The following ZBTB20 variants were observed in gnomAD, a reference collection of about 807,000 sequenced individuals.
The protein encoded by ZBTB20 is zinc finger and BTB domain-containing protein 20.
Under a neutral mutation model 56.9 loss-of-function variants are expected in ZBTB20, and 9 were observed. The ratio of observed to expected loss-of-function variants is 0.16; its 90% CI spans 0.10 to 0.28. The LOEUF (loss-of-function observed/expected upper bound fraction) is 0.28. ZBTB20 is among the 10% of genes least tolerant of loss of function. ZBTB20 has a pLI of 1.00. For synonymous variants in ZBTB20, 417 were observed against 420.7 expected, an observed-to-expected ratio of 0.99 and a Z score of 0.11; for missense variants, 655 against 1,003.0, an observed-to-expected ratio of 0.65 and a Z score of 4.69.
chr3:114,774,916 A>C (rs1393889036), intron 5 of ZBTB20, among the ~76,000 whole-genome samples: 1 of 152,160 alleles, frequency 6.6e-6, no homozygotes, highest in African/African-American at 2.4e-5. Flanking sequence ...AATAAAAAAA[A>C]AGAAAAGAAA....
chr3:114,559,080 A>G (rs902644591), intron 6 of ZBTB20, among the ~76,000 whole-genome samples: 2 of 152,120 alleles, frequency 1.3e-5, no homozygotes, highest in African/African-American at 4.8e-5. Flanking sequence ...ATCTCCCTTA[A>G]CTAGAATGTT....
At chr3:114,369,840 A>G (rs2082810903) in intron 10 of ZBTB20, among the ~76,000 whole-genome samples, 1 of 152,266 alleles carries the variant, frequency 6.6e-6, no homozygotes, top group Non-Finnish European at 1.5e-5. Flanking sequence ...TGTCATTTCA[A>G]AAACAATTGT....
chr3:114,998,404 T>C (rs2108199115), intron 2 of ZBTB20, among the ~76,000 whole-genome samples: 1 of 151,730 alleles, frequency 6.6e-6, no homozygotes, highest in East Asian at 2.0e-4. Flanking sequence ...CCTCTGAAAA[T>C]AACTAGACTT....
intron 6 of ZBTB20, among the ~76,000 whole-genome samples, chr3:114,621,135 A>G (rs1011671098): frequency 2.0e-5 from 3 of 152,220 alleles, no homozygotes; most frequent in Non-Finnish European, 4.4e-5. Context: ...TTTTATATAT[A>G]TAGCAATTAA....
intron 6 of ZBTB20, among the ~76,000 whole-genome samples, chr3:114,593,462 G>A (rs533855183): frequency 1.7e-4 from 25 of 147,678 alleles, no homozygotes; most frequent in African/African-American, 3.0e-4. Context: ...TCGGCTCACC[G>A]CAATCTCTGC....
In ZBTB20 at chr3:114,615,654, T is replaced by G. The variant is rs147318309; in HGVS notation, c.-295+77874A>C. Among the ~76,000 whole-genome samples, 3 of 152,336 alleles carry G rather than the reference T, an allele frequency of 2.0e-5. No individual in the cohort carries two copies. The East Asian group carries it at 5.8e-4, about 29-fold the overall frequency. ...TCGTCAATGAATAATATAACTGCGT[T>G]TAGCCCTTAAGCCTGTATCAGCTGC... On this transcript the variant is annotated intron_variant, in intron 6 of 11. Transcript: ENST00000675478.
In ZBTB20 at chr3:114,320,288, T is replaced by A. The variant is rs1178937609; in HGVS notation, c.*18717A>T. On this transcript the variant is annotated 3_prime_UTR_variant, in exon 12 of 12. Transcript: ENST00000675478. ...GTTTCTGATTTTTTAAACAGTGAAATATGTCCAATTTTATTTCCAGTGCAT... is the reference window on the plus strand; with the variant it reads ...GTTTCTGATTTTTTAAACAGTGAAAAATGTCCAATTTTATTTCCAGTGCAT... 6.6e-6 allele frequency: 1 copy of A among 152,170 alleles called. No homozygotes were observed. Among genetic ancestry groups the A allele is most frequent in the African/African-American group, 2.4e-5 (1 of 41,426 alleles). 9.4% of individuals were successfully genotyped at this position (152,170 alleles called of 1,614,324 possible).
At chr3:114,450,877 G>A (rs2091567427) in intron 7 of ZBTB20, among the ~76,000 whole-genome samples, 1 of 152,042 alleles carries the variant, frequency 6.6e-6, no homozygotes, top group Non-Finnish European at 1.5e-5. Context: ...CATACCAATT[G>A]ATTAAATTTT....
intron 6 of ZBTB20, among the ~76,000 whole-genome samples, chr3:114,600,433 T>A (rs2056670238): frequency 6.6e-6 from 1 of 152,056 alleles, no homozygotes; most frequent in Non-Finnish European, 1.5e-5. Flanking sequence ...TGCTTTCTTT[T>A]TCTTTTATCT....
At chr3:114,399,684 C>A (rs1202063212) in intron 7 of ZBTB20, among the ~76,000 whole-genome samples, 1 of 152,068 alleles carries the variant, frequency 6.6e-6, no homozygotes, top group Admixed American at 6.6e-5. Context: ...TAACAGGCCA[C>A]CGGGGCAAGA....
At chr3:114,509,176 A>G (rs574116432) in intron 6 of ZBTB20, among the ~76,000 whole-genome samples, 3 of 152,184 alleles carry the variant, frequency 2.0e-5, no homozygotes, top group African/African-American at 7.2e-5. Flanking sequence ...CCACATCCAC[A>G]TTCCTATCAC....
At chr3:115,043,401 A>C (rs1211342500) in intron 2 of ZBTB20, among the ~76,000 whole-genome samples, 2 of 149,754 alleles carry the variant, frequency 1.3e-5, no homozygotes, top group Non-Finnish European at 3.0e-5. Context: ...TCTACTAAAA[A>C]CTAAAAAAAA....
intron 7 of ZBTB20, among the ~76,000 whole-genome samples, chr3:114,487,271 G>C (rs2042246712): frequency 6.6e-6 from 1 of 152,154 alleles, no homozygotes; most frequent in South Asian, 2.1e-4. Flanking sequence ...CAAGGGCACT[G>C]CTGGCAGCAC....
intron 6 of ZBTB20, among the ~76,000 whole-genome samples, chr3:114,692,041 C>G (rs1371543196): frequency 6.6e-6 from 1 of 152,048 alleles, no homozygotes; most frequent in African/African-American, 2.4e-5. Context: ...AACGTCAATA[C>G]AGATTTTATC....
chr3:114,346,992 A>G (rs1304947616), intron 11 of ZBTB20, among the ~76,000 whole-genome samples: 3 of 150,810 alleles, frequency 2.0e-5, no homozygotes, highest in African/African-American at 7.3e-5. Flanking sequence ...GGCCCCAAAC[A>G]CTTTCTTTCA....
chr3:114,851,686 T>A (rs1317935621), intron 4 of ZBTB20, among the ~76,000 whole-genome samples: 4 of 152,156 alleles, frequency 2.6e-5, no homozygotes, highest in Admixed American at 6.5e-5. Context: ...TTTATTTTTT[T>A]AATCAATTCC....
rs1350970443 is a variant in ZBTB20 at position 114,336,660 on chromosome 3, T to C, written c.*2345A>G. On this transcript the variant is annotated 3_prime_UTR_variant, in exon 12 of 12. Coordinates refer to ENST00000675478, the MANE Select transcript of ZBTB20 (RefSeq NM_001348800.3). ...AAGTTAACCAAATGTCTAAAATATATGAATAAAACCAATTTAGTCATTACA... is the reference window on the plus strand; with the variant it reads ...AAGTTAACCAAATGTCTAAAATATACGAATAAAACCAATTTAGTCATTACA... The C allele has an allele frequency of 6.6e-6, 1 of 152,210 alleles. No individual in the cohort carries two copies. Among genetic ancestry groups the C allele is most frequent in the Non-Finnish European group, 1.5e-5 (1 of 68,026 alleles). The allele number at this position is 152,210 out of a possible 1,614,324, so 9.4% of individuals were successfully genotyped here.
chr3:114,554,838 A>G (rs2051008287), intron 6 of ZBTB20, among the ~76,000 whole-genome samples: 2 of 152,216 alleles, frequency 1.3e-5, no homozygotes, highest in South Asian at 2.1e-4. Flanking sequence ...ACCAAAGGAC[A>G]TGGAATTCAC....
chr3:114,343,271 C>G (rs1393228340), intron 11 of ZBTB20, among the ~76,000 whole-genome samples: 1 of 152,176 alleles, frequency 6.6e-6, no homozygotes, highest in East Asian at 1.9e-4. Context: ...GAATAGGAAC[C>G]TCTTGCACTG....
Sources: allele counts gnomAD v4.1 joint callset (sites outside exome capture counted in the v4.1 genomes callset), GRCh38; gene constraint gnomAD v4.1.1; transcripts MANE v1.5; gene names NCBI Gene and HGNC (gene_info 2026-07-23, HGNC 2026-07-21).